Variants in LDB2 observed in about 807,000 individuals in gnomAD.
LDB2 encodes LIM domain binding 2.
In LDB2, 12 loss-of-function variants were observed where a neutral mutation model predicts 44.3. The observed-to-expected ratio is 0.27, with a 90% confidence interval of 0.17 to 0.44. The LOEUF (loss-of-function observed/expected upper bound fraction) is 0.44. Ranked by LOEUF, LDB2 falls within the 20% of genes least tolerant of loss-of-function variation. The pLI is 1.00. For missense variants in LDB2, 344 were observed against 473.5 expected (o/e 0.73, Z 2.54); for synonymous variants, 164 against 174.8 (o/e 0.94, Z 0.49).
intron 2 of LDB2, among the ~76,000 whole-genome samples, chr4:16,756,548 A>G (rs1766691972): frequency 6.6e-6 from 1 of 152,192 alleles, no homozygotes; most frequent in Non-Finnish European, 1.5e-5. Context: ...AAAAAATCCA[A>G]AGATCTCAGT....
chr4:16,771,267 C>G (rs144789914), intron 1 of LDB2, among the ~76,000 whole-genome samples: 4 of 152,178 alleles, frequency 2.6e-5, no homozygotes, highest in African/African-American at 9.6e-5. Flanking sequence ...TTTTTGTTCA[C>G]AAAGACAAAT....
chr4:16,857,177 A>G (rs1430565872), intron 1 of LDB2, among the ~76,000 whole-genome samples: 2 of 152,210 alleles, frequency 1.3e-5, no homozygotes, highest in Non-Finnish European at 2.9e-5. Context: ...AGGTGGCAGC[A>G]GGGGCAGGTC....
chr4:16,648,979 T>C (rs1254578573), intron 2 of LDB2, among the ~76,000 whole-genome samples: 2 of 152,180 alleles, frequency 1.3e-5, no homozygotes, highest in African/African-American at 4.8e-5. Context: ...TTTTTAAAAG[T>C]CAGAAATTAT....
intron 5 of LDB2, among the ~76,000 whole-genome samples, chr4:16,554,256 G>A (rs940138553): frequency 2.0e-5 from 3 of 151,972 alleles, no homozygotes; most frequent in Non-Finnish European, 2.9e-5. Context: ...CTCCATGTTG[G>A]TCAGGCTGGT....
At chr4:16,721,117 T>C (rs1344849758) in intron 2 of LDB2, among the ~76,000 whole-genome samples, 2 of 152,196 alleles carry the variant, frequency 1.3e-5, no homozygotes, top group Non-Finnish European at 2.9e-5. Flanking sequence ...TTTTAAACTG[T>C]TGATAAAACT....
At chr4:16,758,087 T>C (rs1294986027) in intron 2 of LDB2, among the ~76,000 whole-genome samples, 1 of 152,220 alleles carries the variant, frequency 6.6e-6, no homozygotes, top group Non-Finnish European at 1.5e-5. Flanking sequence ...CATGTGCATA[T>C]ATTAGCATAA....
intron 2 of LDB2, among the ~76,000 whole-genome samples, chr4:16,722,707 T>C (rs1758547935): frequency 6.6e-6 from 1 of 152,124 alleles, no homozygotes; most frequent in Admixed American, 6.6e-5. Context: ...GTCAGGACCA[T>C]GGTTTGTTCA....
chr4:16,683,135 T>TC (rs1181645040), intron 2 of LDB2, among the ~76,000 whole-genome samples: 1 of 151,854 alleles, frequency 6.6e-6, no homozygotes, highest in Admixed American at 6.6e-5. Flanking sequence ...GTACCGCACC[T>TC]CCCCCCGCAA....
chr4:16,502,804 T>C lies in LDB2; in HGVS notation c.961A>G (p.Thr321Ala), dbSNP rs1303311872. The change falls in exon 8 of 8, where the codon ACT becomes GCT. Residue 321 changes from threonine (T) to alanine (A), a missense_variant. Physicochemically the swap from Thr to Ala is moderately conservative, Grantham distance 58 (BLOSUM62 0). Coordinates refer to ENST00000304523, the MANE Select transcript of LDB2 (RefSeq NM_001290.5). ...TCATATTGCGTGTTTTCTAATCTAGTGATTAGCCTTTCGTCCTCGTCCCCA... is the reference window on the plus strand; with the variant it reads ...TCATATTGCGTGTTTTCTAATCTAGCGATTAGCCTTTCGTCCTCGTCCCCA... ...EFGDEDERLITRLENTQYDAA... is the reference protein window; with the variant it reads ...EFGDEDERLIARLENTQYDAA... 3.7e-6 allele frequency: 6 copies of C among 1,613,960 alleles called. No homozygotes were observed. Among genetic ancestry groups the C allele is most frequent in the Non-Finnish European group, 5.1e-6 (6 of 1,179,976 alleles).
At chr4:16,845,794 A>G (rs1348513352) in intron 1 of LDB2, among the ~76,000 whole-genome samples, 4 of 152,160 alleles carry the variant, frequency 2.6e-5, no homozygotes, top group Admixed American at 6.5e-5. Flanking sequence ...AAGAGAAGTC[A>G]AATAGTTTGC....
intron 1 of LDB2, among the ~76,000 whole-genome samples, chr4:16,851,677 A>G (rs1390486768): frequency 1.3e-5 from 2 of 152,212 alleles, no homozygotes; most frequent in Admixed American, 6.6e-5. Context: ...GGATTTGCCA[A>G]TGTGTAGATG....
chr4:16,516,082 G>T (rs1279827983), intron 5 of LDB2, among the ~76,000 whole-genome samples: 1 of 151,582 alleles, frequency 6.6e-6, no homozygotes, highest in Non-Finnish European at 1.5e-5. Context: ...GTCCAGGATG[G>T]TCTCAATCTC....
intron 1 of LDB2, among the ~76,000 whole-genome samples, chr4:16,830,188 A>G (rs1419015639): frequency 6.6e-6 from 1 of 152,132 alleles, no homozygotes; most frequent in Non-Finnish European, 1.5e-5. Context: ...CCCCATCCAA[A>G]CCTCATCTCC....
chr4:16,788,033 A>G (rs905145937), intron 1 of LDB2, among the ~76,000 whole-genome samples: 12 of 151,694 alleles, frequency 7.9e-5, no homozygotes, highest in Non-Finnish European at 1.2e-4. Context: ...GTGCCTGGCC[A>G]CTCTCTTTCT....
intron 2 of LDB2, among the ~76,000 whole-genome samples, chr4:16,654,743 G>A (rs1179769812): frequency 6.6e-6 from 1 of 152,156 alleles, no homozygotes; most frequent in African/African-American, 2.4e-5. Flanking sequence ...AGAAACCCTT[G>A]ACTTATTAGT....
At chr4:16,683,908 G>C (rs1748567680) in intron 2 of LDB2, among the ~76,000 whole-genome samples, 3 of 152,214 alleles carry the variant, frequency 2.0e-5, no homozygotes, top group Admixed American at 2.0e-4. Context: ...TGGGAAAATA[G>C]AGAAGAAGGC....
At chr4:16,636,462 G>A (rs1733634783) in intron 2 of LDB2, among the ~76,000 whole-genome samples, 2 of 152,306 alleles carry the variant, frequency 1.3e-5, no homozygotes, top group South Asian at 4.1e-4. Flanking sequence ...CCAGTCTGTC[G>A]AGTAGATTAA....
intron 1 of LDB2, among the ~76,000 whole-genome samples, chr4:16,821,411 T>A (rs1579980180): frequency 6.9e-6 from 1 of 145,448 alleles, no homozygotes; most frequent in South Asian, 2.2e-4. Flanking sequence ...GGAGACGGAG[T>A]CTCGCTCTGT....
intron 2 of LDB2, among the ~76,000 whole-genome samples, chr4:16,657,441 TG>T (rs1740217471): frequency 6.6e-6 from 1 of 152,212 alleles, no homozygotes; most frequent in African/African-American, 2.4e-5. Flanking sequence ...ACCACCTAAC[TG>T]GTCTCCTGGA....
Sources: allele counts gnomAD v4.1 joint callset (sites outside exome capture counted in the v4.1 genomes callset), GRCh38; gene constraint gnomAD v4.1.1; transcripts MANE v1.5; gene names NCBI Gene and HGNC (gene_info 2026-07-23, HGNC 2026-07-21).